The following CPSF4 variants were observed in gnomAD, a reference collection of about 807,000 sequenced individuals.
The protein encoded by CPSF4 is cleavage and polyadenylation specificity factor subunit 4.
Under a neutral mutation model 37.7 loss-of-function variants are expected in CPSF4, and 11 were observed. The ratio of observed to expected loss-of-function variants is 0.29; its 90% CI spans 0.18 to 0.48. The LOEUF is 0.48. Ranked by LOEUF, CPSF4 falls within the 20% of genes least tolerant of loss-of-function variation. The pLI, the probability that CPSF4 is intolerant of heterozygous loss-of-function variation, is 0.99. For synonymous variants in CPSF4, 132 were observed against 135.9 expected (o/e 0.97, Z 0.20); for missense variants, 144 against 359.5 (o/e 0.40, Z 4.85).
At position 99,452,446 on chromosome 7, in the gene CPSF4, G is replaced by A. The variant is rs369703870; in HGVS notation, c.570+6G>A. 1.1e-4 allele frequency: 171 copies of A among 1,612,916 alleles called. No individual in the cohort carries two copies. Among genetic ancestry groups the A allele is most frequent in the Non-Finnish European group, 1.4e-4 (162 of 1,179,276 alleles). ...AGACACAGCCTCCAGCAAAGGTACC[G>A]TGCCTGGCCTTCCTCGGTAGGAAGG... is the stretch of plus-strand genomic sequence containing the variant. On this transcript the variant is annotated splice_donor_region_variant and intron_variant, in intron 6 of 7. Transcript: ENST00000292476.
intron 2 of CPSF4, among the ~76,000 whole-genome samples, chr7:99,446,359 T>C (rs963889652): frequency 6.6e-6 from 1 of 152,210 alleles, no homozygotes; most frequent in African/African-American, 2.4e-5. Context: ...AACAAAATTC[T>C]CAGACACACT....
chr7:99,446,230 C>A lies in CPSF4; in HGVS notation c.154+1391C>A, dbSNP rs147473892. On this transcript the variant is annotated intron_variant, in intron 2 of 7. Transcript: ENST00000292476. ...TCAGTAATTCTGCCCTTCTGACCAG[C>A]CACCTTCTGTTAGCACAGCCATCCC... 1.3e-4 allele frequency among the ~76,000 whole-genome samples: 20 copies of A among 152,336 alleles called. No individual in the cohort carries two copies. In the East Asian group the frequency reaches 3.9e-3, roughly 29 times the overall value.
chr7:99,442,382 C>T (rs1797063111), intron 1 of CPSF4, among the ~76,000 whole-genome samples: 1 of 151,754 alleles, frequency 6.6e-6, no homozygotes, highest in Non-Finnish European at 1.5e-5. Context: ...ATCGGCCGGG[C>T]GTTGTGGCTC....
rs1489891963 is a variant in CPSF4, at chr7:99,448,099, CCT to C, written c.155-21_155-20del. On this transcript the variant is annotated intron_variant, in intron 2 of 7. Coordinates refer to ENST00000292476, the MANE Select transcript of CPSF4 (RefSeq NM_006693.4). The surrounding 1 kb of genome is among the most constrained non-coding windows in gnomAD (Gnocchi z 4.4). The stretch of plus-strand genomic sequence containing the variant: ...CTCAGGGTGGCCTCTCTGCTGACAC[CCT>C]GTCCCTATCTTGCCGGCAGGGGGCA... 1.2e-6 allele frequency: 2 copies of C among 1,612,448 alleles called. No individual in the cohort carries two copies. The highest frequency in any genetic ancestry group is 1.7e-5 in the Admixed American group (1 of 59,964).
At chr7:99,439,527 C>T (rs1796690524) in intron 1 of CPSF4, 1 of 253,852 alleles carries the variant, frequency 3.9e-6, no homozygotes, top group East Asian at 7.9e-5. Flanking sequence ...CGTCTGGGGA[C>T]TCCTTTTACC....
chr7:99,454,603 C>T (rs1398313437), intron 7 of CPSF4, among the ~76,000 whole-genome samples: 1 of 152,080 alleles, frequency 6.6e-6, no homozygotes, highest in Non-Finnish European at 1.5e-5. Context: ...GAAACCTCCT[C>T]GAAAACTGTC....
At chr7:99,454,672 T>C (rs376579954) in intron 7 of CPSF4, among the ~76,000 whole-genome samples, 2 of 152,178 alleles carry the variant, frequency 1.3e-5, no homozygotes, top group East Asian at 3.8e-4. Context: ...CTTGATAGTT[T>C]GACGTTATTA....
rs1798341112 is a variant in CPSF4 at position 99,456,698 on chromosome 7, G to C, written c.*198G>C. ...TTTTTGAAAAAGGGACATGTGTCCT[G>C]TGGGTCCCTGCAGTCGACATCATGT... On this transcript the variant is annotated 3_prime_UTR_variant, in exon 8 of 8. Coordinates refer to ENST00000292476, the MANE Select transcript of CPSF4 (RefSeq NM_006693.4). 1 of 661,344 alleles carries C rather than the reference G, an allele frequency of 1.5e-6. No individual in the cohort carries two copies. The highest frequency in any genetic ancestry group is 2.8e-6 in the Non-Finnish European group (1 of 360,096). 41.0% of individuals were successfully genotyped at this position (661,344 alleles called of 1,614,324 possible). A position where few individuals can be genotyped will look rare whatever the true frequency, so the allele number is the denominator to read the frequency against.
chr7:99,449,392 G>A, intron 3 of CPSF4, among the ~76,000 whole-genome samples: 1 of 152,230 alleles, frequency 6.6e-6, no homozygotes, highest in East Asian at 1.9e-4. Flanking sequence ...TAGCAGCACT[G>A]GGGCAGCACT....
intron 2 of CPSF4, among the ~76,000 whole-genome samples, chr7:99,447,604 T>C (rs1354699995): frequency 6.6e-6 from 1 of 150,776 alleles, no homozygotes; most frequent in Non-Finnish European, 1.5e-5. Context: ...TTTTTTTTTT[T>C]TTTGAAAAGG....
intron 1 of CPSF4, among the ~76,000 whole-genome samples, chr7:99,439,987 G>A (rs141829194): frequency 9.2e-4 from 140 of 152,214 alleles, no homozygotes; most frequent in Admixed American, 2.4e-3. Flanking sequence ...GTGGCTCCTG[G>A]CTTCCCACCT....
chr7:99,446,309 T>C (rs1054819676), intron 2 of CPSF4, among the ~76,000 whole-genome samples: 1 of 152,256 alleles, frequency 6.6e-6, no homozygotes, highest in Non-Finnish European at 1.5e-5. Flanking sequence ...ACTAGTCACA[T>C]GTGGCAGTTC....
chr7:99,441,302 C>T (rs868295175), intron 1 of CPSF4: 10 of 423,298 alleles, frequency 2.4e-5, no homozygotes, highest in South Asian at 1.4e-4. Flanking sequence ...ACCACCCACG[C>T]AGGGCAGCTC....
intron 3 of CPSF4, among the ~76,000 whole-genome samples, chr7:99,449,936 G>C (rs1418935975): frequency 6.6e-6 from 1 of 152,152 alleles, no homozygotes; most frequent in Non-Finnish European, 1.5e-5. Context: ...ATTGGAGAAG[G>C]TGAGCCTGGA....
rs1798355257 is a variant in CPSF4 at position 99,456,985 on chromosome 7, T to A, written c.*485T>A. 1 of 264,464 alleles carries A rather than the reference T, an allele frequency of 3.8e-6. No homozygotes were observed. Among genetic ancestry groups the A allele is most frequent in the Non-Finnish European group, 7.6e-6 (1 of 132,142 alleles). The allele number at this position is 264,464 out of a possible 1,614,324, so 16.4% of individuals were successfully genotyped here. A position where few individuals can be genotyped will look rare whatever the true frequency, so the allele number is the denominator to read the frequency against. ...TCTGTGATTTGAATGAGGGAGCCCT[T>A]TGGGGCAAATTCAGGTGCCCCCATT... On this transcript the variant is annotated 3_prime_UTR_variant, in exon 8 of 8. Transcript: ENST00000292476.
intron 1 of CPSF4, chr7:99,443,078 GT>G: frequency 2.1e-6 from 2 of 975,102 alleles, no homozygotes; most frequent in Non-Finnish European, 3.3e-6. Context: ...GCTTATCCAA[GT>G]TAACCATAGG....
intron 3 of CPSF4, among the ~76,000 whole-genome samples, chr7:99,449,665 A>G (rs987262367): frequency 1.1e-4 from 17 of 152,218 alleles, no homozygotes; most frequent in Admixed American, 2.6e-4. Flanking sequence ...GGAAAGAGGT[A>G]GCTGATAGGC....
chr7:99,442,961 T>A (rs765187567), intron 1 of CPSF4: 1 of 1,593,238 alleles, frequency 6.3e-7, no homozygotes, highest in South Asian at 1.1e-5. Flanking sequence ...CAGCTGAACT[T>A]GTGACAATCC....
intron 7 of CPSF4, 117 bp downstream of exon 7, chr7:99,454,253 G>T (rs575051794): frequency 8.0e-6 from 8 of 1,004,456 alleles, no homozygotes; most frequent in Non-Finnish European, 1.1e-5. Context: ...TTTGCTGATT[G>T]TAAGCATAAA....
Sources: gnomAD v4.1 joint callset for allele counts (sites outside exome capture counted in the v4.1 genomes callset) on GRCh38, gnomAD v4.1.1 for gene constraint, Gnocchi (gnomAD v3.1) non-coding constraint, MANE v1.5 for transcripts, NCBI Gene and HGNC (gene_info 2026-07-23, HGNC 2026-07-21) for gene names.